The following ADGRV1 variants were observed in gnomAD, a reference collection of about 807,000 sequenced individuals.
The protein encoded by ADGRV1 is adhesion G protein-coupled receptor V1, also known as G-protein coupled receptor 98.
ADGRV1 carries 359 observed loss-of-function variants against 596.2 expected under a neutral mutation model. The ratio of observed to expected loss-of-function variants is 0.60; its 90% CI spans 0.55 to 0.66. The LOEUF (loss-of-function observed/expected upper bound fraction) is 0.66, where lower values mean the gene tolerates loss of function less well. ADGRV1 is among the 30% of genes least tolerant of loss of function. The probability of loss-of-function intolerance (pLI) is 0.00; values close to 1 mark genes in which losing one functional copy is unlikely to be tolerated. For missense variants in ADGRV1, 7,274 were observed against 7,575.6 expected (o/e 0.96, Z 1.48); for synonymous variants, 2,681 against 2,679.2 (o/e 1.00, Z -0.02).
At chr5:90,923,966 T>C (rs972185202) in intron 83 of ADGRV1, among the ~76,000 whole-genome samples, 2 of 151,902 alleles carry the variant, frequency 1.3e-5, no homozygotes, top group Non-Finnish European at 2.9e-5. Flanking sequence ...GAACTCCTCA[T>C]TTTTTATGGC....
At chr5:90,930,455 C>G (rs537002091) in intron 83 of ADGRV1, among the ~76,000 whole-genome samples, 28 of 152,242 alleles carry the variant, frequency 1.8e-4, no homozygotes, top group African/African-American at 5.8e-4. Context: ...AATGGTAATA[C>G]TTTTATTGCC....
chr5:91,027,655 T>C (rs1256351997), intron 85 of ADGRV1, among the ~76,000 whole-genome samples: 1 of 152,162 alleles, frequency 6.6e-6, no homozygotes, highest in Non-Finnish European at 1.5e-5. Context: ...TCTCCTGCTT[T>C]AGTGTACTAT....
chr5:90,851,134 T>TGTGAGAGAGAGAGAGA (rs757909771), intron 79 of ADGRV1, among the ~76,000 whole-genome samples: 16 of 81,510 alleles, frequency 2.0e-4, no homozygotes, highest in Admixed American at 3.7e-4. Flanking sequence ...TGTGTGTGTG[T>TGTGAGAGAGAGAGAGA]GAGAGAGAGA....
intron 86 of ADGRV1, among the ~76,000 whole-genome samples, chr5:91,082,679 G>A (rs1789505274): frequency 6.6e-6 from 1 of 152,044 alleles, no homozygotes; most frequent in Non-Finnish European, 1.5e-5. Context: ...AAAAATTTTT[G>A]AGGCTGTTTT....
chr5:91,016,115 T>C (rs1267987252), intron 85 of ADGRV1, among the ~76,000 whole-genome samples: 1 of 152,026 alleles, frequency 6.6e-6, no homozygotes, highest in Non-Finnish European at 1.5e-5. Flanking sequence ...CTCCTTTATG[T>C]AGGAAGCTTA....
In ADGRV1 at chr5:90,693,770, T is replaced by G. The variant is rs1255047710; in HGVS notation, c.7134-120T>G. 5.7e-6 allele frequency: 4 copies of G among 704,290 alleles called. No homozygotes were observed. In the African/African-American group the frequency reaches 7.1e-5, roughly 13 times the overall value. The allele number at this position is 704,290 out of a possible 1,614,324, so 43.6% of individuals were successfully genotyped here. On this transcript the variant is annotated intron_variant, in intron 32 of 89. Coordinates refer to ENST00000405460, the MANE Select transcript of ADGRV1 (RefSeq NM_032119.4). ...GTGTAATTAAGAAACAGGATTGTGT[T>G]TGTACTATGACTTTAAACATTTTTT...
intron 76 of ADGRV1, among the ~76,000 whole-genome samples, chr5:90,824,058 A>T (rs1046003291): frequency 6.6e-6 from 1 of 152,232 alleles, no homozygotes; most frequent in East Asian, 1.9e-4. Flanking sequence ...TATTAAGTAT[A>T]TGCTGTTAGA....
At chr5:90,655,084 G>T (rs1398455990) in intron 20 of ADGRV1, 2 of 152,168 alleles carry the variant, frequency 1.3e-5, no homozygotes, top group South Asian at 2.1e-4. Flanking sequence ...TATGCATATT[G>T]TAAGTGTACA....
chr5:90,647,893 T>C, intron 17 of ADGRV1, 129 bp downstream of exon 17: 1 of 744,162 alleles, frequency 1.3e-6, no homozygotes, highest in Admixed American at 2.9e-5. Context: ...AGTAAAATTA[T>C]TTCATTGCTT....
intron 70 of ADGRV1, among the ~76,000 whole-genome samples, chr5:90,796,293 G>C (rs1760704428): frequency 6.6e-6 from 1 of 152,058 alleles, no homozygotes; most frequent in African/African-American, 2.4e-5. Context: ...ATGACCTGAT[G>C]GAGCTGAAAA....
intron 85 of ADGRV1, among the ~76,000 whole-genome samples, chr5:91,006,877 C>A (rs1782325002): frequency 2.0e-5 from 3 of 152,230 alleles, no homozygotes; most frequent in Admixed American, 2.0e-4. Context: ...TAACCTCTGA[C>A]CCTGCATGTC....
At chr5:90,821,694 C>T (rs967919817) in intron 75 of ADGRV1, among the ~76,000 whole-genome samples, 1 of 151,684 alleles carries the variant, frequency 6.6e-6, no homozygotes, top group African/African-American at 2.4e-5. Flanking sequence ...GTCAGTGTGC[C>T]CCTGCTGGGG....
chr5:90,994,879 G>C (rs1383029659), intron 85 of ADGRV1, among the ~76,000 whole-genome samples: 1 of 152,174 alleles, frequency 6.6e-6, no homozygotes, highest in Non-Finnish European at 1.5e-5. Context: ...AAATCTCCTA[G>C]TCTTTGCCAG....
rs145158447 is a variant in ADGRV1, at chr5:90,728,059, A to G, written c.10162-610A>G. 6.9e-3 allele frequency among the ~76,000 whole-genome samples: 1,052 copies of G among 152,330 alleles called. 7 individuals are homozygous for G. Among genetic ancestry groups the G allele is most frequent in the African/African-American group, 0.023 (973 of 41,578 alleles). ...CATAAAGGGAAAGGTCGCTGTATCC[A>G]TAGTTCTTAGCATAATGTCTGTGGC... is the stretch of plus-strand genomic sequence containing the variant. On this transcript the variant is annotated intron_variant, in intron 48 of 89. Coordinates refer to ENST00000405460, the MANE Select transcript of ADGRV1 (RefSeq NM_032119.4).
At chr5:90,755,975 C>A (rs983694126) in intron 55 of ADGRV1, among the ~76,000 whole-genome samples, 1 of 150,720 alleles carries the variant, frequency 6.6e-6, no homozygotes, top group African/African-American at 2.4e-5. Context: ...GAGGGTTTTC[C>A]CCCCCTTTTT....
intron 1 of ADGRV1, among the ~76,000 whole-genome samples, chr5:90,596,814 CGAGGGCGAGGGA>C (rs377243990): frequency 0.014 from 2,138 of 150,524 alleles, 78 homozygotes; most frequent in Admixed American, 0.072. Context: ...GGGGAGAGGG[CGAGGGCGAGGGA>C]GAGGGCGAGG....
At chr5:90,961,543 G>A (rs1251003219) in intron 83 of ADGRV1, among the ~76,000 whole-genome samples, 2 of 140,306 alleles carry the variant, frequency 1.4e-5, no homozygotes, top group African/African-American at 5.7e-5. Context: ...TAATTTTATA[G>A]GGAAAGGAGT....
intron 50 of ADGRV1, among the ~76,000 whole-genome samples, chr5:90,730,431 A>G (rs949942775): frequency 6.6e-6 from 1 of 152,196 alleles, no homozygotes; most frequent in African/African-American, 2.4e-5. Flanking sequence ...ATATGGCAAT[A>G]GCAAGTATTT....
At chr5:91,031,089 C>T in intron 85 of ADGRV1, 1 of 1,433,958 alleles carries the variant, frequency 7.0e-7, no homozygotes, top group South Asian at 1.2e-5. Context: ...TACAGTAGCT[C>T]AGTGTTTTGG....
Sources: gnomAD v4.1 joint callset for allele counts (sites outside exome capture counted in the v4.1 genomes callset) on GRCh38, gnomAD v4.1.1 for gene constraint, MANE v1.5 for transcripts, NCBI Gene and HGNC (gene_info 2026-07-23, HGNC 2026-07-21) for gene names.